The following NTNG1 variants were observed in gnomAD, a reference collection of about 807,000 sequenced individuals.
The protein encoded by NTNG1 is netrin G1, also known as netrin-G1.
NTNG1 carries 16 observed loss-of-function variants against 54.0 expected under a neutral mutation model. That is an observed-to-expected ratio of 0.30 (90% CI 0.20 to 0.45). The LOEUF (loss-of-function observed/expected upper bound fraction) is 0.45. NTNG1 is among the 20% of genes least tolerant of loss of function. The pLI, the probability that NTNG1 is intolerant of heterozygous loss-of-function variation, is 1.00. For synonymous variants in NTNG1, 255 were observed against 263.1 expected, an observed-to-expected ratio of 0.97 and a Z score of 0.30; for missense variants, 530 against 678.7, an observed-to-expected ratio of 0.78 and a Z score of 2.43.
chr1:107,453,192 A>G (rs745690551), intron 7 of NTNG1, among the ~76,000 whole-genome samples: 5 of 152,044 alleles, frequency 3.3e-5, no homozygotes, highest in African/African-American at 1.2e-4. Flanking sequence ...TTAGAATTTT[A>G]TTTTTTTTGT....
chr1:107,229,670 T>G (rs1478635932), intron 2 of NTNG1, among the ~76,000 whole-genome samples: 2 of 152,046 alleles, frequency 1.3e-5, no homozygotes, highest in South Asian at 4.1e-4. Flanking sequence ...TTATCTTCCC[T>G]TCTCTCACTT....
intron 3 of NTNG1, among the ~76,000 whole-genome samples, chr1:107,350,414 G>T (rs988411893): frequency 2.0e-5 from 3 of 152,150 alleles, no homozygotes; most frequent in Admixed American, 6.5e-5. Context: ...TCTTTATGAT[G>T]ATTATGTTTT....
chr1:107,286,424 C>T (rs921242894), intron 2 of NTNG1, among the ~76,000 whole-genome samples: 1 of 152,096 alleles, frequency 6.6e-6, no homozygotes, highest in African/African-American at 2.4e-5. Flanking sequence ...AAATAGGAAC[C>T]ATGCAAGGAA....
chr1:107,275,631 GA>G (rs576541043), intron 2 of NTNG1, among the ~76,000 whole-genome samples: 3 of 152,008 alleles, frequency 2.0e-5, no homozygotes, highest in African/African-American at 7.2e-5. Context: ...CAAAGGCAGG[GA>G]AAAAAACCCA....
Position 107,155,389 on chromosome 1 carries a change from T to C in NTNG1, c.246+6550T>C, listed in dbSNP as rs76786681. On this transcript the variant is annotated intron_variant, in intron 2 of 7. Transcript: ENST00000370068. The stretch of plus-strand genomic sequence containing the variant: ...CTCAAGTTAATTTCAGGTCATATCA[T>C]TCTCTTGACTTTTTAACTCATGTTA... Among the ~76,000 whole-genome samples the C allele has an allele frequency of 8.7e-3, 1,327 of 152,160 alleles. 19 individuals are homozygous for C. Among genetic ancestry groups the C allele is most frequent in the African/African-American group, 0.03 (1,264 of 41,500 alleles).
At chr1:107,393,332 A>T (rs1296705679) in intron 3 of NTNG1, among the ~76,000 whole-genome samples, 1 of 152,178 alleles carries the variant, frequency 6.6e-6, no homozygotes, top group African/African-American at 2.4e-5. Flanking sequence ...GTATATAGAA[A>T]CACACCCATA....
intron 7 of NTNG1, among the ~76,000 whole-genome samples, chr1:107,437,314 C>T (rs1427324605): frequency 1.3e-5 from 2 of 152,060 alleles, no homozygotes; most frequent in Non-Finnish European, 2.9e-5. Flanking sequence ...TGGCAAAAAT[C>T]GATATTGATT....
At chr1:107,332,388 A>G (rs978174570) in intron 3 of NTNG1, among the ~76,000 whole-genome samples, 3 of 152,124 alleles carry the variant, frequency 2.0e-5, no homozygotes, top group Admixed American at 6.6e-5. Context: ...AAATACCACA[A>G]AATGGATAAA....
Position 107,350,996 on chromosome 1 carries a change from A to C in NTNG1, c.887+26074A>C, listed in dbSNP as rs915945705. Among the ~76,000 whole-genome samples, 12 of 152,340 alleles carry C rather than the reference A, an allele frequency of 7.9e-5. No individual in the cohort carries two copies. In the Middle Eastern group the frequency reaches 0.014, roughly 173 times the overall value. On this transcript the variant is annotated intron_variant, in intron 3 of 7. Coordinates refer to ENST00000370068, the MANE Select transcript of NTNG1 (RefSeq NM_001113226.3). ...AATATAGATCTTAAATGTTCTCCCC[A>C]CACACACAGAGGTAACTATGTGAGG... is the stretch of plus-strand genomic sequence containing the variant.
chr1:107,183,996 G>A (rs1657258523), intron 2 of NTNG1, among the ~76,000 whole-genome samples: 2 of 152,110 alleles, frequency 1.3e-5, no homozygotes, highest in African/African-American at 4.8e-5. Context: ...GAGCATGTGA[G>A]ATAAAAGATG....
chr1:107,266,715 AG>A (rs1663766460), intron 2 of NTNG1, among the ~76,000 whole-genome samples: 1 of 151,242 alleles, frequency 6.6e-6, no homozygotes, highest in African/African-American at 2.4e-5. Flanking sequence ...TCATAGGAAG[AG>A]GAGAATAGCC....
intron 7 of NTNG1, among the ~76,000 whole-genome samples, chr1:107,437,082 A>G (rs1474972527): frequency 2.6e-5 from 4 of 152,130 alleles, no homozygotes; most frequent in African/African-American, 7.2e-5. Context: ...AAGTGACACA[A>G]TAGGGACCCA....
intron 3 of NTNG1, among the ~76,000 whole-genome samples, chr1:107,376,300 C>T (rs1417108198): frequency 5.9e-5 from 9 of 151,872 alleles, no homozygotes; most frequent in East Asian, 3.9e-4. Flanking sequence ...CCCAGCTACT[C>T]GGGAGGCTGA....
intron 3 of NTNG1, among the ~76,000 whole-genome samples, chr1:107,376,715 T>A (rs543937147): frequency 1.6e-4 from 24 of 152,296 alleles, no homozygotes; most frequent in Non-Finnish European, 2.9e-4. Context: ...GACATGGAAA[T>A]TTTTAACCTA....
chr1:107,186,240 T>C (rs1657450340), intron 2 of NTNG1, among the ~76,000 whole-genome samples: 1 of 152,178 alleles, frequency 6.6e-6, no homozygotes, highest in Non-Finnish European at 1.5e-5. Flanking sequence ...TCTGTTCACT[T>C]GCCTCCTTTG....
intron 2 of NTNG1, among the ~76,000 whole-genome samples, chr1:107,228,184 G>A (rs768444257): frequency 1.1e-4 from 17 of 152,106 alleles, no homozygotes; most frequent in Non-Finnish European, 2.1e-4. Context: ...TTGAAACAAT[G>A]CTTCCAAGAC....
intron 2 of NTNG1, among the ~76,000 whole-genome samples, chr1:107,186,716 T>A (rs993759495): frequency 6.6e-6 from 1 of 152,156 alleles, no homozygotes; most frequent in African/African-American, 2.4e-5. Context: ...ATCTCTTTAT[T>A]CAGGTCTTTA....
intron 2 of NTNG1, among the ~76,000 whole-genome samples, chr1:107,323,647 G>A (rs1667780366): frequency 6.6e-6 from 1 of 152,196 alleles, no homozygotes; most frequent in South Asian, 2.1e-4. Flanking sequence ...TAGGCTGGCA[G>A]GTATTTGGAC....
chr1:107,289,890 T>G (rs1473947710), intron 2 of NTNG1, among the ~76,000 whole-genome samples: 1 of 152,194 alleles, frequency 6.6e-6, no homozygotes, highest in Non-Finnish European at 1.5e-5. Flanking sequence ...TTTTATACAT[T>G]GAATTTTGCA....
Sources: gnomAD v4.1 joint callset for allele counts (sites outside exome capture counted in the v4.1 genomes callset) on GRCh38, gnomAD v4.1.1 for gene constraint, MANE v1.5 for transcripts, NCBI Gene and HGNC (gene_info 2026-07-23, HGNC 2026-07-21) for gene names.